Variants in CNTNAP2 observed in about 807,000 individuals in gnomAD.
CNTNAP2 encodes the protein contactin associated protein 2, also known as contactin-associated protein-like 2.
Under a neutral mutation model 155.2 loss-of-function variants are expected in CNTNAP2, and 98 were observed. The ratio of observed to expected loss-of-function variants is 0.63; its 90% CI spans 0.54 to 0.75. The LOEUF (loss-of-function observed/expected upper bound fraction) is 0.75. Ranked by LOEUF, CNTNAP2 falls within the 30% of genes least tolerant of loss-of-function variation. The probability of loss-of-function intolerance (pLI) is 0.00; values close to 1 mark genes in which losing one functional copy is unlikely to be tolerated. For synonymous variants in CNTNAP2, 651 were observed against 631.2 expected, an observed-to-expected ratio of 1.03 and a Z score of -0.47; for missense variants, 1,727 against 1,688.1, an observed-to-expected ratio of 1.02 and a Z score of -0.40.
intron 1 of CNTNAP2, among the ~76,000 whole-genome samples, chr7:146,350,407 A>C (rs938426463): frequency 5.9e-5 from 9 of 152,184 alleles, no homozygotes; most frequent in Non-Finnish European, 1.3e-4. Flanking sequence ...ACATTTATGC[A>C]GCCAAAAAAC....
chr7:148,336,484 G>T (rs1235679900), intron 21 of CNTNAP2, among the ~76,000 whole-genome samples: 1 of 150,694 alleles, frequency 6.6e-6, no homozygotes, highest in African/African-American at 2.4e-5. Context: ...GAGATTTCCA[G>T]TGGGAAGCCT....
At chr7:148,092,879 T>A (rs1307545975) in intron 15 of CNTNAP2, among the ~76,000 whole-genome samples, 29 of 122,690 alleles carry the variant, frequency 2.4e-4, no homozygotes, top group East Asian at 1.4e-3. Context: ...AGTCTCAATT[T>A]AAAAAAAAAA....
chr7:147,947,973 T>C (rs971268024), intron 14 of CNTNAP2, among the ~76,000 whole-genome samples: 2 of 152,166 alleles, frequency 1.3e-5, no homozygotes, highest in African/African-American at 2.4e-5. Context: ...ATTGGCCTAA[T>C]TACCAATAAC....
At chr7:146,135,067 T>C (rs1183813310) in intron 1 of CNTNAP2, among the ~76,000 whole-genome samples, 1 of 152,132 alleles carries the variant, frequency 6.6e-6, no homozygotes, top group African/African-American at 2.4e-5. Context: ...ATGTAACATT[T>C]CTAACATGCT....
chr7:148,165,241 G>A (rs892786956), intron 17 of CNTNAP2, among the ~76,000 whole-genome samples: 1 of 152,122 alleles, frequency 6.6e-6, no homozygotes, highest in Non-Finnish European at 1.5e-5. Context: ...TCTTTTCTCT[G>A]TGCAAGAGCA....
At chr7:146,219,769 G>A (rs1799177089) in intron 1 of CNTNAP2, among the ~76,000 whole-genome samples, 1 of 152,294 alleles carries the variant, frequency 6.6e-6, no homozygotes, top group African/African-American at 2.4e-5. Context: ...GACCAATAAT[G>A]TCAGAGCTGA....
At chr7:147,519,200 C>T (rs868454183) in intron 11 of CNTNAP2, among the ~76,000 whole-genome samples, 1 of 152,118 alleles carries the variant, frequency 6.6e-6, no homozygotes, top group Non-Finnish European at 1.5e-5. Flanking sequence ...CTCTGGGAGG[C>T]TCTGAGACAA....
chr7:147,809,001 A>G (rs143151361), intron 13 of CNTNAP2, among the ~76,000 whole-genome samples: 47 of 152,298 alleles, frequency 3.1e-4, no homozygotes, highest in African/African-American at 1.0e-3. Context: ...GGATCTGGGA[A>G]GAATGGTTTG....
At chr7:146,595,822 G>A (rs918385225) in intron 1 of CNTNAP2, among the ~76,000 whole-genome samples, 16 of 151,982 alleles carry the variant, frequency 1.1e-4, no homozygotes, top group African/African-American at 2.2e-4. Context: ...GCTAGGGCTC[G>A]AACCTGGTTT....
chr7:147,356,029 A>C (rs1445089358), intron 9 of CNTNAP2, among the ~76,000 whole-genome samples: 1 of 152,128 alleles, frequency 6.6e-6, no homozygotes, highest in East Asian at 1.9e-4. Flanking sequence ...TGATGCAAAA[A>C]TCCTCAATAA....
chr7:146,746,143 T>C (rs990520236), intron 1 of CNTNAP2, among the ~76,000 whole-genome samples: 1 of 152,232 alleles, frequency 6.6e-6, no homozygotes, highest in Non-Finnish European at 1.5e-5. Context: ...TTTTATCTTT[T>C]TTAGATCTTG....
intron 3 of CNTNAP2, among the ~76,000 whole-genome samples, chr7:146,925,852 T>A (rs1228002440): frequency 3.9e-5 from 6 of 152,072 alleles, no homozygotes; most frequent in Non-Finnish European, 8.8e-5. Flanking sequence ...AATCTCCAAA[T>A]AAGCTTCCGA....
intron 13 of CNTNAP2, among the ~76,000 whole-genome samples, chr7:147,654,272 T>C (rs1166308908): frequency 6.6e-6 from 1 of 152,248 alleles, no homozygotes; most frequent in Non-Finnish European, 1.5e-5. Flanking sequence ...TAAAAAATTA[T>C]AATATACTTT....
chr7:147,524,766 G>A (rs1799288735), intron 11 of CNTNAP2, among the ~76,000 whole-genome samples: 3 of 152,176 alleles, frequency 2.0e-5, no homozygotes, highest in Non-Finnish European at 4.4e-5. Context: ...ATCCTCCACA[G>A]TGAGTCCCCA....
intron 22 of CNTNAP2, among the ~76,000 whole-genome samples, chr7:148,391,244 ATAAG>A (rs1799340934): frequency 1.3e-5 from 2 of 152,208 alleles, no homozygotes; most frequent in Admixed American, 1.3e-4. Context: ...TTTTGTGAAA[ATAAG>A]TAAATAAATA....
intron 1 of CNTNAP2, among the ~76,000 whole-genome samples, chr7:146,295,614 C>G (rs7801023): frequency 6.6e-6 from 1 of 151,740 alleles, no homozygotes; most frequent in Admixed American, 6.6e-5. Context: ...AAGAAAAAAT[C>G]GTTTTTATGG....
chr7:147,626,837 A>G (rs1023545818), intron 12 of CNTNAP2, among the ~76,000 whole-genome samples: 1 of 152,170 alleles, frequency 6.6e-6, no homozygotes, highest in Non-Finnish European at 1.5e-5. Flanking sequence ...CTGTGAAAAC[A>G]TCACTGCTAG....
At chr7:148,278,924 G>T (rs962125355) in intron 21 of CNTNAP2, among the ~76,000 whole-genome samples, 3 of 152,194 alleles carry the variant, frequency 2.0e-5, no homozygotes, top group Non-Finnish European at 4.4e-5. Flanking sequence ...CTTCCAGGAA[G>T]AGAGAATGGC....
At chr7:147,097,099 T>C (rs1220860680) in intron 4 of CNTNAP2, among the ~76,000 whole-genome samples, 2 of 152,164 alleles carry the variant, frequency 1.3e-5, no homozygotes, top group Admixed American at 1.3e-4. Context: ...TATGTCCCAA[T>C]CTCTCACAAA....
Sources: allele counts gnomAD v4.1 joint callset (sites outside exome capture counted in the v4.1 genomes callset), GRCh38; gene constraint gnomAD v4.1.1; transcripts MANE v1.5; gene names NCBI Gene and HGNC (gene_info 2026-07-23, HGNC 2026-07-21).